The following ECE1 variants were observed in gnomAD, a reference collection of about 807,000 sequenced individuals.
The protein encoded by ECE1 is endothelin converting enzyme 1, also known as endothelin-converting enzyme 1.
In ECE1, 35 loss-of-function variants were observed where a neutral mutation model predicts 98.6. The observed-to-expected ratio is 0.35, with a 90% confidence interval of 0.27 to 0.47. The LOEUF (loss-of-function observed/expected upper bound fraction) is 0.47. Ranked by LOEUF, ECE1 falls within the 20% of genes least tolerant of loss-of-function variation. The pLI, the probability that ECE1 is intolerant of heterozygous loss-of-function variation, is 1.00. For synonymous variants in ECE1, 394 were observed against 407.1 expected, an observed-to-expected ratio of 0.97 and a Z score of 0.39; for missense variants, 814 against 1,025.3, an observed-to-expected ratio of 0.79 and a Z score of 2.81.
Position 21,279,191 on chromosome 1 carries a change from T to C in ECE1, c.280A>G (p.Arg94Gly). The C allele has an allele frequency of 6.2e-7, 1 of 1,614,150 alleles. No homozygotes were observed. Among genetic ancestry groups the C allele is most frequent in the Non-Finnish European group, 8.5e-7 (1 of 1,180,022 alleles). The change falls in exon 3 of 19, where the codon AGA becomes GGA. Residue 94 changes from arginine (R) to glycine (G), a missense_variant and splice_region_variant. Around this residue, in one of 3 missense-constraint regions of ECE1, gnomAD observed 257 missense variants for 278.9 expected, o/e 0.92. Transcript: ENST00000374893. ...CACCATGCAACACGAAGGCACCTAC[T>C]TGTCTGGTACTGGATGCCCAGTGCT... ...LAALGIQYQT[R>G]SPSVCLSEAC...
At chr1:21,251,613 G>A (rs2098212981) in intron 8 of ECE1, among the ~76,000 whole-genome samples, 1 of 152,240 alleles carries the variant, frequency 6.6e-6, no homozygotes, top group Non-Finnish European at 1.5e-5. Context: ...GAGCTGGTAA[G>A]AGATGTGCGC....
intron 17 of ECE1, among the ~76,000 whole-genome samples, chr1:21,224,565 G>C (rs2098171335): frequency 6.6e-6 from 1 of 152,054 alleles, no homozygotes; most frequent in East Asian, 1.9e-4. Flanking sequence ...TGGCACTTAA[G>C]AAGGCCTCAA....
Position 21,345,366 on chromosome 1 carries a change from C to T in ECE1, c.3+10G>A, listed in dbSNP as rs1421589230. 2 of 1,355,072 alleles carry T rather than the reference C, an allele frequency of 1.5e-6. No homozygotes were observed. Among genetic ancestry groups the T allele is most frequent in the Admixed American group, 5.1e-5 (2 of 38,838 alleles). The allele number at this position is 1,355,072 out of a possible 1,614,324, so 83.9% of individuals were successfully genotyped here. A position where few individuals can be genotyped will look rare whatever the true frequency, so the allele number is the denominator to read the frequency against. On this transcript the variant is annotated intron_variant, in intron 1 of 18. Coordinates refer to the ECE1 transcript ENST00000415912. This position sits in a 1 kb window ranked among gnomAD's most constrained non-coding sequence, Gnocchi z 5.1. ...CTGGACCGGACCAGACCTCCGCGCG[C>T]AGCACTCACCATAGCTCGCGTGCTC...
chr1:21,255,287 T>C (rs1371669865), intron 8 of ECE1, among the ~76,000 whole-genome samples: 1 of 152,138 alleles, frequency 6.6e-6, no homozygotes, highest in African/African-American at 2.4e-5. Context: ...AGATCGGTGG[T>C]GGCCATTCTG....
Position 21,306,807 on chromosome 1 carries a change from G to A in ECE1, c.4-16651C>T, listed in dbSNP as rs118136563. Among the ~76,000 whole-genome samples, 84 of 152,302 alleles carry A rather than the reference G, an allele frequency of 5.5e-4. 2 individuals carry two copies. The East Asian group carries it at 0.014, about 25-fold the overall frequency. On this transcript the variant is annotated intron_variant, in intron 1 of 18. Transcript: ENST00000415912. Reference sequence around the variant, plus strand: ...GAGCGATGAGTGTTACAAAGACAGGGCAGCAGCGAGGTGTGCTCAAGCCTC... The same window carrying A: ...GAGCGATGAGTGTTACAAAGACAGGACAGCAGCGAGGTGTGCTCAAGCCTC...
rs370794591 is a variant in ECE1 at position 21,325,064 on chromosome 1, C to T, written c.3+20312G>A. ...GTGGGTTTCCTTCTCTAAAGAAACA[C>T]GTTACACAATAGAGGGGGGTTGAGA... On this transcript the variant is annotated intron_variant, in intron 1 of 18. Transcript: ENST00000415912. Among the ~76,000 whole-genome samples the T allele has an allele frequency of 4.6e-5, 7 of 152,320 alleles. No individual in the cohort carries two copies. The South Asian group carries it at 6.2e-4, about 14-fold the overall frequency.
At chr1:21,313,086 T>C (rs984501219) in intron 1 of ECE1, among the ~76,000 whole-genome samples, 1 of 152,124 alleles carries the variant, frequency 6.6e-6, no homozygotes, top group Admixed American at 6.6e-5. Flanking sequence ...TCTAAACTAC[T>C]TATTGTTTCC....
In ECE1 at chr1:21,235,998, T is replaced by C. The variant is rs1486562784; in HGVS notation, c.1489-71A>G. ...AGGCCAGCCTGAGCAACTTGGGTGC[T>C]GGGCTCATAGTCTGGGCCAAGGGGA... On this transcript the variant is annotated intron_variant, in intron 12 of 18. Coordinates refer to ENST00000374893, the MANE Select transcript of ECE1 (RefSeq NM_001397.3). This position sits in a 1 kb window ranked among gnomAD's most constrained non-coding sequence, Gnocchi z 4.2. 3 of 1,452,962 alleles carry C rather than the reference T, an allele frequency of 2.1e-6. No homozygotes were observed. The highest frequency in any genetic ancestry group is 2.9e-6 in the Non-Finnish European group (3 of 1,033,200). 90.0% of individuals were successfully genotyped at this position (1,452,962 alleles called of 1,614,324 possible).
intron 1 of ECE1, among the ~76,000 whole-genome samples, chr1:21,321,389 T>C (rs1017901123): frequency 2.0e-5 from 3 of 152,196 alleles, no homozygotes; most frequent in Admixed American, 1.3e-4. Flanking sequence ...AATTCTCCAC[T>C]GGGAGGAGCA....
intron 2 of ECE1, among the ~76,000 whole-genome samples, chr1:21,283,224 C>T (rs191129591): frequency 5.3e-5 from 8 of 151,818 alleles, no homozygotes; most frequent in Non-Finnish European, 1.0e-4. Context: ...GAATTATAGG[C>T]GTGAGCCACA....
intron 1 of ECE1, among the ~76,000 whole-genome samples, chr1:21,306,453 C>T (rs1257078662): frequency 6.6e-6 from 1 of 151,942 alleles, no homozygotes; most frequent in Non-Finnish European, 1.5e-5. Context: ...TCTCCCGCCT[C>T]GGCCTCTTGA....
In ECE1 at chr1:21,345,290, C is replaced by A. The variant is rs915225152; in HGVS notation, c.3+86G>T. ...GCGCCCAGCCCCCCGCGAGCCAGGGCGGCCCCGGGTGCCACCCGCGGCACC... is the reference window on the plus strand; with the variant it reads ...GCGCCCAGCCCCCCGCGAGCCAGGGAGGCCCCGGGTGCCACCCGCGGCACC... On this transcript the variant is annotated intron_variant, in intron 1 of 18. Transcript: ENST00000415912. This position sits in a 1 kb window ranked among gnomAD's most constrained non-coding sequence, Gnocchi z 5.1. 1.2e-5 allele frequency: 16 copies of A among 1,293,550 alleles called. No homozygotes were observed. In the Admixed American group the frequency reaches 3.6e-4, roughly 29 times the overall value. 80.1% of individuals were successfully genotyped at this position (1,293,550 alleles called of 1,614,324 possible).
At chr1:21,228,565 T>G (rs56068728) in intron 14 of ECE1, among the ~76,000 whole-genome samples, 1 of 151,838 alleles carries the variant, frequency 6.6e-6, no homozygotes, top group East Asian at 2.0e-4. Flanking sequence ...GTGGGTGGAT[T>G]ACTTGAGGCC....
intron 15 of ECE1, 54 bp from the exon 16 acceptor site, chr1:21,227,280 C>A (rs377173484): frequency 5.5e-5 from 84 of 1,526,828 alleles, no homozygotes; most frequent in Middle Eastern, 3.4e-4. Flanking sequence ...GGGCCTCTCA[C>A]TCTTGCTCAG....
chr1:21,289,384 G>C (rs988653959), intron 2 of ECE1, among the ~76,000 whole-genome samples: 2 of 152,138 alleles, frequency 1.3e-5, no homozygotes, highest in African/African-American at 4.8e-5. Flanking sequence ...AGGGCAGAAA[G>C]CAGCCTTGCT....
At chr1:21,305,625 G>C (rs996747112) in intron 1 of ECE1, among the ~76,000 whole-genome samples, 4 of 152,186 alleles carry the variant, frequency 2.6e-5, no homozygotes, top group Non-Finnish European at 5.9e-5. Flanking sequence ...AGAACAGGAG[G>C]GAGGCAAGGG....
intron 2 of ECE1, among the ~76,000 whole-genome samples, chr1:21,282,605 GA>G (rs1418023974): frequency 7.4e-6 from 1 of 135,284 alleles, no homozygotes; most frequent in African/African-American, 2.8e-5. Context: ...AAAAAAAAAA[GA>G]AAGAAAAGAA....
chr1:21,328,581 G>A (rs533205135), intron 1 of ECE1, among the ~76,000 whole-genome samples: 21 of 152,226 alleles, frequency 1.4e-4, no homozygotes, highest in Admixed American at 7.8e-4. Flanking sequence ...GGCCAACATG[G>A]TGAAACCATG....
At chr1:21,276,875 C>A (rs1445151462) in intron 3 of ECE1, among the ~76,000 whole-genome samples, 1 of 152,036 alleles carries the variant, frequency 6.6e-6, no homozygotes, top group African/African-American at 2.4e-5. Flanking sequence ...CGCCACCATC[C>A]CTGGCTAATT....
Sources: gnomAD v4.1 joint callset for allele counts (sites outside exome capture counted in the v4.1 genomes callset) on GRCh38, gnomAD v4.1.1 for gene constraint, gnomAD v4.1.1 regional missense constraint, Gnocchi (gnomAD v3.1) non-coding constraint, MANE v1.5 for transcripts, NCBI Gene and HGNC (gene_info 2026-07-23, HGNC 2026-07-21) for gene names.